Variants in GRID2 observed in about 807,000 individuals in gnomAD.
The protein encoded by GRID2 is glutamate ionotropic receptor delta type subunit 2.
A neutral mutation model predicts 114.8 loss-of-function variants in GRID2; 33 were observed. The observed-to-expected ratio is 0.29, with a 90% CI of 0.22 to 0.38. The LOEUF is 0.38. Among genes scored for constraint, GRID2 ranks in the 10% least tolerant of loss-of-function variants. GRID2 has a pLI of 1.00. For missense variants in GRID2, 1,184 were observed against 1,257.7 expected (o/e 0.94, Z 0.89); for synonymous variants, 505 against 449.9 (o/e 1.12, Z -1.55).
chr4:93,050,509 G>GGTGTGTGTGTGT (rs70942946), intron 2 of GRID2, among the ~76,000 whole-genome samples: 20 of 144,034 alleles, frequency 1.4e-4, no homozygotes, highest in Admixed American at 3.5e-4. Context: ...AATAATACCT[G>GGTGTGTGTGTGT]GTGTGTGTGT....
downstream of GRID2, among the ~76,000 whole-genome samples, chr4:93,775,164 T>A (rs375393604): frequency 4.0e-5 from 6 of 150,074 alleles, no homozygotes; most frequent in African/African-American, 1.5e-4. Context: ...AAAAAAATAG[T>A]TCTCTATTGT....
Position 92,590,206 on chromosome 4 carries a change from A to T in GRID2, c.164A>T (p.Glu55Val). Residue 55 changes from glutamate (E) to valine (V), a missense_variant, in exon 2 of 16, where the codon GAG becomes GTG. By Grantham distance (121) the Glu-to-Val change is moderately radical. Coordinates refer to ENST00000282020, the MANE Select transcript of GRID2 (RefSeq NM_001510.4). ...GCGGTTGGTGACCTTAACCAGAATGAGGAGATCTTACAGACTGAGAAAATC... is the reference window on the plus strand; with the variant it reads ...GCGGTTGGTGACCTTAACCAGAATGTGGAGATCTTACAGACTGAGAAAATC... ...RTAVGDLNQN[E>V]EILQTEKITF... 2 of 1,611,454 alleles carry T rather than the reference A, an allele frequency of 1.2e-6. No homozygotes were observed. The highest frequency in any genetic ancestry group is 1.7e-6 in the Non-Finnish European group (2 of 1,177,682).
intron 2 of GRID2, among the ~76,000 whole-genome samples, chr4:93,056,170 A>G (rs1030598292): frequency 1.3e-5 from 2 of 152,044 alleles, no homozygotes; most frequent in South Asian, 4.1e-4. Context: ...CCTCACCCAA[A>G]CTGAAAAGGA....
At chr4:93,448,881 CCCCTTCCCTTCCCTTCCCCTTCCCTT>C (rs1227727205) in intron 10 of GRID2, among the ~76,000 whole-genome samples, 2,908 of 17,626 alleles carry the variant, frequency 0.16, 921 homozygotes, top group African/African-American at 0.37. Context: ...CCCTTCCCTT[CCCCTTCCCTTCCCTTCCCCTTCCCTT>C]CCCTTCCCTT....
chr4:92,914,998 A>G (rs903015291), intron 2 of GRID2, among the ~76,000 whole-genome samples: 4 of 152,298 alleles, frequency 2.6e-5, no homozygotes, highest in South Asian at 2.1e-4. Flanking sequence ...AACAGATTCA[A>G]TTGACTCACA....
At chr4:92,713,640 C>G (rs1435913795) in intron 2 of GRID2, among the ~76,000 whole-genome samples, 1 of 151,250 alleles carries the variant, frequency 6.6e-6, no homozygotes, top group Non-Finnish European at 1.5e-5. Flanking sequence ...ACCTACAGCT[C>G]CATGTGGCTG....
At chr4:93,379,233 A>T (rs1305760283) in intron 8 of GRID2, among the ~76,000 whole-genome samples, 1 of 152,114 alleles carries the variant, frequency 6.6e-6, no homozygotes, top group South Asian at 2.1e-4. Context: ...ACTTGCTATT[A>T]TCAATAAGAC....
intron 1 of GRID2, among the ~76,000 whole-genome samples, chr4:92,355,041 C>T (rs1330223477): frequency 6.6e-6 from 1 of 151,962 alleles, no homozygotes; most frequent in Admixed American, 6.6e-5. Flanking sequence ...TCAGATGTCA[C>T]TCACTCATGG....
Position 92,489,804 on chromosome 4 carries a change from C to T in GRID2, c.89-100327C>T, listed in dbSNP as rs1001658245. ...GAAGTTGCAGTGAGCCAAGATTGTGCTACTGCCCTCCAGCCTGGGCGATAG... is the reference window on the plus strand; with the variant it reads ...GAAGTTGCAGTGAGCCAAGATTGTGTTACTGCCCTCCAGCCTGGGCGATAG... On this transcript the variant is annotated intron_variant, in intron 1 of 15. Coordinates refer to ENST00000282020, the MANE Select transcript of GRID2 (RefSeq NM_001510.4). 4.0e-5 allele frequency among the ~76,000 whole-genome samples: 6 copies of T among 150,438 alleles called. 1 individual carries two copies. The highest frequency in any genetic ancestry group is 6.9e-3 in the Middle Eastern group (2 of 288).
rs1022111518 is a variant in GRID2 at position 92,938,002 on chromosome 4, T to C, written c.245-146993T>C. On this transcript the variant is annotated intron_variant, in intron 2 of 15. Transcript: ENST00000282020. ...GGTTTTCCACAAATGCCCTTTATTA[T>C]GTTGAGGAAGCTTCTTTTAATTTTC... 4.1e-5 allele frequency among the ~76,000 whole-genome samples: 6 copies of C among 147,024 alleles called. 2 individuals carry two copies. The South Asian group carries it at 1.4e-3, about 33-fold the overall frequency.
intron 14 of GRID2, among the ~76,000 whole-genome samples, chr4:93,719,435 C>T (rs1171478098): frequency 1.3e-5 from 2 of 151,832 alleles, no homozygotes; most frequent in African/African-American, 2.4e-5. Context: ...CTGCTAAATG[C>T]TCCAAAGGCT....
intron 1 of GRID2, among the ~76,000 whole-genome samples, chr4:93,790,794 C>T (rs1734679626): frequency 6.6e-6 from 1 of 152,082 alleles, no homozygotes; most frequent in Admixed American, 6.5e-5. Flanking sequence ...GTCTAAAAGC[C>T]AGGGTTCACA....
At chr4:93,665,038 T>G (rs1723829691) in intron 14 of GRID2, among the ~76,000 whole-genome samples, 1 of 152,156 alleles carries the variant, frequency 6.6e-6, no homozygotes, top group Non-Finnish European at 1.5e-5. Flanking sequence ...TGACTGTGGT[T>G]TAATGAAATG....
intron 2 of GRID2, among the ~76,000 whole-genome samples, chr4:93,012,835 A>G (rs1490787240): frequency 6.6e-6 from 1 of 152,094 alleles, no homozygotes; most frequent in Non-Finnish European, 1.5e-5. Flanking sequence ...GAAATTTATT[A>G]TAGCTGAGCC....
chr4:93,268,822 G>A lies in GRID2; in HGVS notation c.1245+30332G>A, dbSNP rs183085337. ...TGAGCTAAAGCACATCTATCTTCTCGGAGAGCTGAATTAGGATAGGAAGAA... is the reference window on the plus strand; with the variant it reads ...TGAGCTAAAGCACATCTATCTTCTCAGAGAGCTGAATTAGGATAGGAAGAA... On this transcript the variant is annotated intron_variant, in intron 8 of 15. Transcript: ENST00000282020. Among the ~76,000 whole-genome samples, 8 of 152,144 alleles carry A rather than the reference G, an allele frequency of 5.3e-5. No individual in the cohort carries two copies. In the East Asian group the frequency reaches 7.7e-4, roughly 15 times the overall value.
chr4:93,031,232 G>C (rs1462450431), intron 2 of GRID2, among the ~76,000 whole-genome samples: 3 of 151,812 alleles, frequency 2.0e-5, no homozygotes, highest in Non-Finnish European at 4.4e-5. Context: ...TTTTAGTAGA[G>C]ACTGGGTTTC....
At chr4:92,547,766 A>G (rs1483674966) in intron 1 of GRID2, among the ~76,000 whole-genome samples, 2 of 152,084 alleles carry the variant, frequency 1.3e-5, no homozygotes, top group African/African-American at 4.8e-5. Flanking sequence ...TGATATTATA[A>G]GTAGGGAGGA....
At chr4:92,984,684 A>C (rs1754401790) in intron 2 of GRID2, among the ~76,000 whole-genome samples, 1 of 152,144 alleles carries the variant, frequency 6.6e-6, no homozygotes. Flanking sequence ...AGACTATTTG[A>C]ATTTCACCAG....
At chr4:93,330,703 G>C (rs1208421752) in intron 8 of GRID2, among the ~76,000 whole-genome samples, 1 of 152,100 alleles carries the variant, frequency 6.6e-6, no homozygotes, top group Non-Finnish European at 1.5e-5. Flanking sequence ...GTTTAGATGA[G>C]TCTGTATACA....
Sources: gnomAD v4.1 joint callset for allele counts (sites outside exome capture counted in the v4.1 genomes callset) on GRCh38, gnomAD v4.1.1 for gene constraint, MANE v1.5 for transcripts, NCBI Gene and HGNC (gene_info 2026-07-23, HGNC 2026-07-21) for gene names.